The following SLC20A2 variants were observed in gnomAD, a reference collection of about 807,000 sequenced individuals.
The protein encoded by SLC20A2 is sodium-dependent phosphate transporter 2.
SLC20A2 carries 30 observed loss-of-function variants against 61.0 expected under a neutral mutation model. The ratio of observed to expected loss-of-function variants is 0.49; its 90% confidence interval spans 0.37 to 0.67. SLC20A2 has a LOEUF of 0.67. SLC20A2 is among the 30% of genes least tolerant of loss of function. The probability of loss-of-function intolerance (pLI) is 0.00; values close to 1 mark genes in which losing one functional copy is unlikely to be tolerated. For missense variants in SLC20A2, 626 were observed against 866.4 expected (o/e 0.72, Z 3.48); for synonymous variants, 351 against 353.3 (o/e 0.99, Z 0.07).
At chr8:42,530,997 G>A (rs1218222502) in intron 1 of SLC20A2, among the ~76,000 whole-genome samples, 2 of 152,216 alleles carry the variant, frequency 1.3e-5, no homozygotes, top group African/African-American at 4.8e-5. Context: ...TGGGATTACA[G>A]GGGTGAGTCA....
At chr8:42,519,487 C>T (rs146914520) in intron 1 of SLC20A2, among the ~76,000 whole-genome samples, 77 of 150,100 alleles carry the variant, frequency 5.1e-4, no homozygotes, top group Admixed American at 4.3e-3. Flanking sequence ...GCGCCACTTT[C>T]GGAGATTTTA....
chr8:42,463,525 T>C, intron 3 of SLC20A2, among the ~76,000 whole-genome samples: 1 of 152,228 alleles, frequency 6.6e-6, no homozygotes, highest in Non-Finnish European at 1.5e-5. Context: ...CTTTCATTCC[T>C]GCCATCTAGC....
chr8:42,504,547 A>G (rs571150671), upstream of SLC20A2, among the ~76,000 whole-genome samples: 13 of 152,228 alleles, frequency 8.5e-5, no homozygotes, highest in African/African-American at 2.6e-4. Context: ...ATAAAATCAT[A>G]TAATAAAAAT....
chr8:42,477,461 G>C (rs938956371), intron 1 of SLC20A2, among the ~76,000 whole-genome samples: 6 of 138,922 alleles, frequency 4.3e-5, no homozygotes, highest in Admixed American at 1.7e-4. Flanking sequence ...TGAGGGACAG[G>C]GACTTTTTTT....
chr8:42,501,088 A>C lies in SLC20A2; in HGVS notation c.-322T>G, dbSNP rs574871959. On this transcript the variant is annotated 5_prime_UTR_variant, in exon 1 of 11. Coordinates refer to ENST00000520262, the MANE Select transcript of SLC20A2 (RefSeq NM_001257180.2). Reference sequence around the variant, plus strand: ...TTCAGAAGACTGCTCTCCTGATCACAAACACAATCTGAAGTCTAAAATAGA... The same window carrying C: ...TTCAGAAGACTGCTCTCCTGATCACCAACACAATCTGAAGTCTAAAATAGA... 4.6e-5 allele frequency: 7 copies of C among 152,350 alleles called. No individual in the cohort carries two copies. The highest frequency in any genetic ancestry group is 1.4e-4 in the African/African-American group (6 of 41,574). 9.4% of individuals were successfully genotyped at this position (152,350 alleles called of 1,614,324 possible).
chr8:42,464,512 C>T (rs1408712998), intron 3 of SLC20A2, among the ~76,000 whole-genome samples: 2 of 152,062 alleles, frequency 1.3e-5, no homozygotes, highest in Non-Finnish European at 2.9e-5. Flanking sequence ...GCATCTTCCT[C>T]ACTTGTGCTC....
At chr8:42,518,429 T>G (rs1002819247) in intron 1 of SLC20A2, among the ~76,000 whole-genome samples, 1 of 152,184 alleles carries the variant, frequency 6.6e-6, no homozygotes, top group African/African-American at 2.4e-5. Context: ...TGGAGGCATA[T>G]CTATGATATA....
At chr8:42,490,887 CTT>C (rs146551698) in intron 1 of SLC20A2, among the ~76,000 whole-genome samples, 5,350 of 152,268 alleles carry the variant, frequency 0.035, 182 homozygotes, top group South Asian at 0.1. Flanking sequence ...GGCAATCACT[CTT>C]TTAAAAACCT....
intron 1 of SLC20A2, among the ~76,000 whole-genome samples, chr8:42,513,618 G>A (rs1351658683): frequency 2.6e-5 from 4 of 152,104 alleles, no homozygotes; most frequent in Non-Finnish European, 4.4e-5. Context: ...CTGAGCAGGC[G>A]GCTGGTTGTA....
Position 42,417,554 on chromosome 8 carries a change from C to A in SLC20A2, c.*249G>T. Reference sequence around the variant, plus strand: ...GATATTTAATATATAAGTAACTGCACCACATTATATCACCACGATACCAGT... The same window carrying A: ...GATATTTAATATATAAGTAACTGCAACACATTATATCACCACGATACCAGT... On this transcript the variant is annotated 3_prime_UTR_variant, in exon 11 of 11. Coordinates refer to ENST00000520262, the MANE Select transcript of SLC20A2 (RefSeq NM_001257180.2). The A allele has an allele frequency of 3.2e-6, 1 of 315,184 alleles. No individual in the cohort carries two copies. Among genetic ancestry groups the A allele is most frequent in the South Asian group, 8.4e-5 (1 of 11,964 alleles). The allele number at this position is 315,184 out of a possible 1,614,324, so 19.5% of individuals were successfully genotyped here.
intron 1 of SLC20A2, among the ~76,000 whole-genome samples, chr8:42,491,619 C>T (rs1248325862): frequency 6.6e-6 from 1 of 151,446 alleles, no homozygotes; most frequent in East Asian, 1.9e-4. Flanking sequence ...TGCAGTGAGC[C>T]GAGATCGCAC....
chr8:42,498,448 A>AT (rs1037167405), intron 1 of SLC20A2, among the ~76,000 whole-genome samples: 8 of 150,602 alleles, frequency 5.3e-5, no homozygotes, highest in South Asian at 2.1e-4. Context: ...TCATTTTCAC[A>AT]TTTTTTTTTC....
upstream of SLC20A2, among the ~76,000 whole-genome samples, chr8:42,504,852 CAAAAAAAAAAAAAAAAAAAAAA>C (rs771127709): frequency 6.1e-5 from 1 of 16,492 alleles, no homozygotes; most frequent in South Asian, 4.9e-3. Flanking sequence ...GACTCCGTCT[CAAAAAAAAAAAAAAAAAAAAAA>C]AAAAAAAAAA....
intron 8 of SLC20A2, among the ~76,000 whole-genome samples, chr8:42,436,200 A>G (rs114855569): frequency 0.065 from 9,822 of 151,514 alleles, 1,048 homozygotes; most frequent in African/African-American, 0.22. Context: ...CGGTCTGTGC[A>G]CTCTGCCTCC....
At chr8:42,451,808 G>GGAGGAGGAGAAGGAAGAGAT (rs1335068381) in intron 5 of SLC20A2, among the ~76,000 whole-genome samples, 1 of 141,844 alleles carries the variant, frequency 7.1e-6, no homozygotes, top group East Asian at 2.2e-4. Flanking sequence ...AGGAAGAGAT[G>GGAGGAGGAGAAGGAAGAGAT]GAGGAGGAGA....
chr8:42,494,972 G>A (rs1476528686), intron 1 of SLC20A2, among the ~76,000 whole-genome samples: 2 of 151,440 alleles, frequency 1.3e-5, no homozygotes, highest in Non-Finnish European at 2.9e-5. Context: ...TCAGCCTCCC[G>A]AGTAGCTGGG....
chr8:42,514,922 G>A (rs1278500729), intron 1 of SLC20A2, among the ~76,000 whole-genome samples: 2 of 152,100 alleles, frequency 1.3e-5, no homozygotes, highest in African/African-American at 2.4e-5. Flanking sequence ...TTTGGAGGTA[G>A]AATCATAGCA....
Position 42,437,412 on chromosome 8 carries a change from G to C in SLC20A2, c.1100C>G (p.Pro367Arg). 1 of 1,614,114 alleles carries C rather than the reference G, an allele frequency of 6.2e-7. No individual in the cohort carries two copies. Among genetic ancestry groups the C allele is most frequent in the South Asian group, 1.1e-5 (1 of 91,078 alleles). Residue 367 changes from proline to arginine, a missense_variant, in exon 8 of 11, where the codon CCC (proline) becomes CGC (arginine). By Grantham distance (103) the Pro-to-Arg change is moderately radical. This residue lies in a region of SLC20A2 where 361 missense variants were observed against 422.3 expected (regional missense o/e 0.85). Transcript: ENST00000520262. The surrounding 1 kb of genome is among the most constrained non-coding windows in gnomAD (Gnocchi z 6.4). Reference protein sequence around the residue: ...LLHKIHIDRGPEEKPAQESNY... With the variant: ...LLHKIHIDRGREEKPAQESNY... ...GCTTTCCTGGGCTGGCTTCTCCTCG[G>C]GGCCCCTGTCGATGTGGATTTTGTG...
At chr8:42,509,509 C>A (rs1810911827) in intron 1 of SLC20A2, among the ~76,000 whole-genome samples, 1 of 152,004 alleles carries the variant, frequency 6.6e-6, no homozygotes. Context: ...AAGGACATAG[C>A]ATTGCTTGAA....
Sources: allele counts gnomAD v4.1 joint callset (sites outside exome capture counted in the v4.1 genomes callset), GRCh38; gene constraint gnomAD v4.1.1; regional missense constraint gnomAD v4.1.1; non-coding constraint Gnocchi (gnomAD v3.1); transcripts MANE v1.5; gene names NCBI Gene and HGNC (gene_info 2026-07-23, HGNC 2026-07-21).